Variants in ANXA1 observed in about 807,000 individuals in gnomAD.
ANXA1 encodes annexin I (lipocortin I).
In ANXA1, 39 loss-of-function variants were observed where a neutral mutation model predicts 47.9. The ratio of observed to expected loss-of-function variants is 0.81; its 90% confidence interval spans 0.63 to 1.06. The LOEUF (loss-of-function observed/expected upper bound fraction) is 1.06, where lower values mean the gene tolerates loss of function less well. Ranked by LOEUF, ANXA1 falls within the 50% of genes least tolerant of loss-of-function variation. The pLI is 0.00. For missense variants in ANXA1, 446 were observed against 422.7 expected (o/e 1.06, Z -0.48); for synonymous variants, 146 against 142.5 (o/e 1.02, Z -0.17).
chr9:73,160,314 GT>G lies in ANXA1; in HGVS notation c.326del (p.Leu109Ter). 1 of 1,586,092 alleles carries G rather than the reference GT, an allele frequency of 6.3e-7. No homozygotes were observed. The highest frequency in any genetic ancestry group is 8.5e-7 in the Non-Finnish European group (1 of 1,171,484). On this transcript the variant is annotated frameshift_variant, in exon 5 of 13. Transcript: ENST00000257497. LOFTEE classifies it high-confidence loss of function. ...KALTGHLEEV[V>X]LALLKTPAQF... is the part of the protein sequence containing the mutation. Reference sequence around the variant, plus strand: ...CCTTACAGGTCACCTTGAGGAGGTTGTTTTAGCTCTGCTAAAAACTCCAGCG... The same window carrying G: ...CCTTACAGGTCACCTTGAGGAGGTTGTTTAGCTCTGCTAAAAACTCCAGCG...
In ANXA1 at chr9:73,160,883, C is replaced by T. The variant is rs749677130; in HGVS notation, c.465C>T (p.Val155=). ...TNKEIRDINR[V]YREELKRDLA... ...AAGAAATCAGAGACATTAACAGGGT[C>T]TACAGAGAGGGTAAGTTGTAATGTC... Residue 155 remains valine (V), a synonymous_variant, in exon 6 of 13, where the codon GTC becomes GTT. Coordinates refer to ENST00000257497, the MANE Select transcript of ANXA1 (RefSeq NM_000700.3). The T allele has an allele frequency of 6.2e-7, 1 of 1,607,632 alleles. No homozygotes were observed. The highest frequency in any genetic ancestry group is 8.5e-7 in the Non-Finnish European group (1 of 1,174,602).
At chr9:73,163,587 G>T in intron 8 of ANXA1, 55 bp downstream of exon 8, 1 of 1,567,164 alleles carries the variant, frequency 6.4e-7, no homozygotes, top group Non-Finnish European at 8.8e-7. Context: ...CTTAAGTGGG[G>T]CTACCACATG....
chr9:73,154,368 A>T (rs757753026), intron 1 of ANXA1: 1 of 1,364,786 alleles, frequency 7.3e-7, no homozygotes, highest in South Asian at 1.1e-5. Flanking sequence ...AACACTGATC[A>T]TGTCATTTTC....
At chr9:73,155,688 C>A (rs1185798936) in intron 1 of ANXA1, among the ~76,000 whole-genome samples, 7 of 151,976 alleles carry the variant, frequency 4.6e-5, no homozygotes, top group Admixed American at 2.6e-4. Flanking sequence ...ATTCAGATTC[C>A]GTTTTTCTCT....
chr9:73,164,241 T>C (rs1347988900), intron 8 of ANXA1, among the ~76,000 whole-genome samples: 1 of 152,172 alleles, frequency 6.6e-6, no homozygotes, highest in Non-Finnish European at 1.5e-5. Flanking sequence ...ACTTCTGCTA[T>C]ACCAGTACAT....
Position 73,160,879 on chromosome 9 carries a change from G to A in ANXA1, c.461G>A (p.Arg154Lys), listed in dbSNP as rs868551604. ...AACAAAGAAATCAGAGACATTAACA[G>A]GGTCTACAGAGAGGGTAAGTTGTAA... ...RTNKEIRDIN[R>K]VYREELKRDL... Residue 154 changes from arginine (R) to lysine (K), a missense_variant, in exon 6 of 13, where the codon AGG becomes AAG. Transcript: ENST00000257497. 1.2e-6 allele frequency: 2 copies of A among 1,609,586 alleles called. No individual in the cohort carries two copies. The highest frequency in any genetic ancestry group is 1.7e-6 in the Non-Finnish European group (2 of 1,176,180).
rs1824131172 is a variant in ANXA1 at position 73,160,870 on chromosome 9, A to T, written c.452A>T (p.Asp151Val). 1 of 1,612,124 alleles carries T rather than the reference A, an allele frequency of 6.2e-7. No homozygotes were observed. The highest frequency in any genetic ancestry group is 8.5e-7 in the Non-Finnish European group (1 of 1,178,502). Residue 151 changes from aspartate (D) to valine (V), a missense_variant, in exon 6 of 13, where the codon GAC becomes GTC. Asp to Val is a radical substitution (Grantham distance 152). Transcript: ENST00000257497. ...LASRTNKEIRDINRVYREELK... is the reference protein window; with the variant it reads ...LASRTNKEIRVINRVYREELK... Reference sequence around the variant, plus strand: ...TCAAGAACTAACAAAGAAATCAGAGACATTAACAGGGTCTACAGAGAGGGT... The same window carrying T: ...TCAAGAACTAACAAAGAAATCAGAGTCATTAACAGGGTCTACAGAGAGGGT...
chr9:73,160,233 A>G, intron 4 of ANXA1, 30 bp from the exon 5 acceptor site: 2 of 1,459,688 alleles, frequency 1.4e-6, no homozygotes, highest in Non-Finnish European at 1.9e-6. Context: ...TACTTATTGG[A>G]AGTCCTGATT....
At chr9:73,169,418 C>G (rs952918440) in intron 12 of ANXA1, among the ~76,000 whole-genome samples, 1 of 152,030 alleles carries the variant, frequency 6.6e-6, no homozygotes, top group African/African-American at 2.4e-5. Flanking sequence ...GCAGAATATT[C>G]TAGTGTTCCC....
chr9:73,164,719 A>G (rs2118165484), intron 8 of ANXA1, among the ~76,000 whole-genome samples: 1 of 152,278 alleles, frequency 6.6e-6, no homozygotes, highest in African/African-American at 2.4e-5. Context: ...TCTAACATCA[A>G]AATGCAAGGT....
chr9:73,163,357 A>T, intron 7 of ANXA1, 119 bp from the exon 8 acceptor site: 2 of 955,430 alleles, frequency 2.1e-6, no homozygotes, highest in Non-Finnish European at 3.1e-6. Context: ...TCCTTCTAGA[A>T]ATGAGTAATA....
At chr9:73,165,808 G>A (rs1824219826) in intron 9 of ANXA1, among the ~76,000 whole-genome samples, 1 of 152,054 alleles carries the variant, frequency 6.6e-6, no homozygotes, top group African/African-American at 2.4e-5. Context: ...GTGGCTCTTA[G>A]AACTGCTGTA....
chr9:73,162,939 G>C, intron 7 of ANXA1, 78 bp downstream of exon 7: 2 of 1,165,808 alleles, frequency 1.7e-6, no homozygotes, highest in Admixed American at 2.1e-5. Flanking sequence ...TTGCTATAAG[G>C]GAATATCTGA....
In ANXA1 at chr9:73,162,232, C is replaced by G. The variant is rs528416924; in HGVS notation, c.476-550C>G. Among the ~76,000 whole-genome samples the G allele has an allele frequency of 4.6e-5, 7 of 152,270 alleles. No homozygotes were observed. In the South Asian group the frequency reaches 1.2e-3, roughly 27 times the overall value. ...CAACATGAGACTTGGCAGGGCCAAA[C>G]AAACAATATGAAAACCATAGCACTA... On this transcript the variant is annotated intron_variant, in intron 6 of 12. Transcript: ENST00000257497.
At chr9:73,167,740 T>C (rs1824257384) in intron 11 of ANXA1, 185 bp downstream of exon 11, 12 of 536,602 alleles carry the variant, frequency 2.2e-5, no homozygotes, top group Non-Finnish European at 3.2e-5. Flanking sequence ...ATTCGGTGCT[T>C]TTTTTTACAG....
chr9:73,160,756 A>G, intron 5 of ANXA1, 47 bp from the exon 6 acceptor site: 1 of 1,447,466 alleles, frequency 6.9e-7, no homozygotes, highest in Non-Finnish European at 9.6e-7. Flanking sequence ...ATCCTCTTGC[A>G]TGAAGATTTT....
intron 1 of ANXA1, among the ~76,000 whole-genome samples, chr9:73,155,846 A>G (rs1824037226): frequency 6.6e-6 from 1 of 151,898 alleles, no homozygotes; most frequent in African/African-American, 2.4e-5. Context: ...CTCTCTTTCA[A>G]ATAAGTGACT....
At chr9:73,162,044 G>A (rs755983918) in intron 6 of ANXA1, among the ~76,000 whole-genome samples, 5 of 152,278 alleles carry the variant, frequency 3.3e-5, no homozygotes, top group Non-Finnish European at 5.9e-5. Flanking sequence ...GCAGATGTGT[G>A]CAGAGAGGGA....
chr9:73,151,873 A>G lies in ANXA1; in HGVS notation c.-66A>G, dbSNP rs1168297340. ...CCCAAGTCTCCACTGCCAGTGTGAA[A>G]TCTTCAGAGAAGAATTTCTCTTTAG... On this transcript the variant is annotated 5_prime_UTR_variant, in exon 1 of 13. Transcript: ENST00000257497. 6.6e-6 allele frequency: 1 copy of G among 152,214 alleles called. No homozygotes were observed. Among genetic ancestry groups the G allele is most frequent in the African/African-American group, 2.4e-5 (1 of 41,456 alleles). 9.4% of individuals were successfully genotyped at this position (152,214 alleles called of 1,614,324 possible).
Sources: gnomAD v4.1 joint callset for allele counts (sites outside exome capture counted in the v4.1 genomes callset) on GRCh38, gnomAD v4.1.1 for gene constraint, MANE v1.5 for transcripts, NCBI Gene and HGNC (gene_info 2026-07-23, HGNC 2026-07-21) for gene names.